The following SKP2 variants were observed in gnomAD, a reference collection of about 807,000 sequenced individuals.
SKP2 encodes the protein S-phase kinase associated protein 2.
In SKP2, 16 loss-of-function variants were observed where a neutral mutation model predicts 51.8. That is an observed-to-expected ratio of 0.31 (90% CI 0.21 to 0.47). SKP2 has a LOEUF of 0.47. Among genes scored for constraint, SKP2 ranks in the 20% least tolerant of loss-of-function variants. The pLI is 1.00. For synonymous variants in SKP2, 176 were observed against 198.6 expected, an observed-to-expected ratio of 0.89 and a Z score of 0.96; for missense variants, 377 against 505.3, an observed-to-expected ratio of 0.75 and a Z score of 2.43.
chr5:36,168,714 T>A (rs1217944137), intron 5 of SKP2, among the ~76,000 whole-genome samples: 1 of 152,236 alleles, frequency 6.6e-6, no homozygotes. Flanking sequence ...AGAAAATGAA[T>A]GCTCTAAAAC....
downstream of SKP2, among the ~76,000 whole-genome samples, chr5:36,185,557 G>A (rs1304614733): frequency 1.3e-5 from 2 of 152,126 alleles, no homozygotes; most frequent in Admixed American, 6.6e-5. Context: ...AAGATCAGAT[G>A]GTTGTACATG....
chr5:36,182,010 G>A lies in SKP2; in HGVS notation c.1254G>A (p.Leu418=), dbSNP rs1254202855. ...GGGGCATCAAATGCCGACTGACACT[G>A]CAAAAGCCCAGTTGTCTATGAAGTA... ...EIWGIKCRLT[L]QKPSCL is the part of the protein sequence containing the mutation. The change falls in exon 10 of 10, where the codon CTG becomes CTA. Residue 418 remains leucine, a synonymous_variant. Coordinates refer to ENST00000274255, the MANE Select transcript of SKP2 (RefSeq NM_005983.4). 1 of 1,614,124 alleles carries A rather than the reference G, an allele frequency of 6.2e-7. No individual in the cohort carries two copies. The highest frequency in any genetic ancestry group is 1.1e-5 in the South Asian group (1 of 91,066).
intron 2 of SKP2, among the ~76,000 whole-genome samples, chr5:36,161,809 C>G (rs1313944519): frequency 2.0e-5 from 3 of 152,158 alleles, no homozygotes; most frequent in African/African-American, 7.2e-5. Context: ...TAAAGACTGG[C>G]ACCTTTAAAT....
chr5:36,180,075 TC>T, intron 9 of SKP2: 1 of 404,332 alleles, frequency 2.5e-6, no homozygotes, highest in Non-Finnish European at 4.9e-6. Flanking sequence ...CAAATCTCTT[TC>T]CCAATGCTGT....
intron 2 of SKP2, among the ~76,000 whole-genome samples, chr5:36,153,483 G>A (rs929191966): frequency 1.3e-5 from 2 of 152,048 alleles, no homozygotes; most frequent in African/African-American, 4.8e-5. Context: ...CTAAGTGGGG[G>A]AGACATCTCC....
chr5:36,153,807 C>T (rs1744847218), intron 2 of SKP2, among the ~76,000 whole-genome samples: 1 of 152,166 alleles, frequency 6.6e-6, no homozygotes, highest in Non-Finnish European at 1.5e-5. Flanking sequence ...AATAGCTCCC[C>T]ATCCCCTAGT....
chr5:36,172,464 A>G (rs1745505895), intron 7 of SKP2, among the ~76,000 whole-genome samples: 1 of 152,164 alleles, frequency 6.6e-6, no homozygotes, highest in South Asian at 2.1e-4. Flanking sequence ...AAGATAAGTG[A>G]TTACAAATGG....
chr5:36,184,091 A>G lies in SKP2; in HGVS notation c.*2060A>G. 1.3e-6 allele frequency: 1 copy of G among 775,152 alleles called. No individual in the cohort carries two copies. The highest frequency in any genetic ancestry group is 2.0e-6 in the Non-Finnish European group (1 of 488,714). 48.0% of individuals were successfully genotyped at this position (775,152 alleles called of 1,614,324 possible). ...CTCTTTTTTTAAGTGCTGTGGTTAA[A>G]ATTTGAAAGCATTTAGTGTGGTATG... On this transcript the variant is annotated 3_prime_UTR_variant, in exon 10 of 10. Coordinates refer to ENST00000274255, the MANE Select transcript of SKP2 (RefSeq NM_005983.4).
At chr5:36,160,885 C>T (rs155544) in intron 2 of SKP2, among the ~76,000 whole-genome samples, 5,274 of 152,256 alleles carry the variant, frequency 0.035, 188 homozygotes, top group African/African-American at 0.082. Context: ...GGGTGATCTG[C>T]CTTCAGCTTT....
At position 36,174,103 on chromosome 5, in the gene SKP2, C is replaced by A. The variant is rs532223642; in HGVS notation, c.901+2370C>A. 2.0e-5 allele frequency among the ~76,000 whole-genome samples: 3 copies of A among 152,292 alleles called. No homozygotes were observed. In the South Asian group the frequency reaches 6.2e-4, roughly 32 times the overall value. ...GCTGTTAATACTGTTCCTTCCCCCA[C>A]TACCCCCATCACTACCTTTCCATGG... On this transcript the variant is annotated intron_variant, in intron 7 of 9. Transcript: ENST00000274255.
At chr5:36,188,619 C>A (rs1268017084), downstream of SKP2, among the ~76,000 whole-genome samples, 2 of 152,172 alleles carry the variant, frequency 1.3e-5, no homozygotes, top group African/African-American at 2.4e-5. Flanking sequence ...TGATGGGCTT[C>A]CCTTTATGGG....
At position 36,168,456 on chromosome 5, in the gene SKP2, C is replaced by G. The variant is rs149814379; in HGVS notation, c.671+9C>G. Reference sequence around the variant, plus strand: ...TCGGATCCCATTGTCAAGTGAGTGGCAGGCAGAGTGTCACAAAGGCAGTTG... The same window carrying G: ...TCGGATCCCATTGTCAAGTGAGTGGGAGGCAGAGTGTCACAAAGGCAGTTG... On this transcript the variant is annotated intron_variant, in intron 5 of 9. Coordinates refer to ENST00000274255, the MANE Select transcript of SKP2 (RefSeq NM_005983.4). 11 of 1,613,888 alleles carry G rather than the reference C, an allele frequency of 6.8e-6. No individual in the cohort carries two copies. The East Asian group carries it at 2.5e-4, about 36-fold the overall frequency.
chr5:36,152,496 A>G (rs755563020), intron 1 of SKP2, among the ~76,000 whole-genome samples: 1 of 152,144 alleles, frequency 6.6e-6, no homozygotes, highest in African/African-American at 2.4e-5. Context: ...GTTTTCAATC[A>G]GTGTATGATT....
intron 7 of SKP2, among the ~76,000 whole-genome samples, chr5:36,173,456 C>G (rs989530785): frequency 6.6e-6 from 1 of 152,204 alleles, no homozygotes; most frequent in African/African-American, 2.4e-5. Context: ...CTTGGTTCTT[C>G]TCTGTCTGCA....
chr5:36,191,884 C>A (rs1358956963), intron 6 of SKP2, among the ~76,000 whole-genome samples: 3 of 130,076 alleles, frequency 2.3e-5, no homozygotes, highest in African/African-American at 9.9e-5. Flanking sequence ...CAAGTCAAAG[C>A]CCTAAAAGCC....
intron 2 of SKP2, among the ~76,000 whole-genome samples, chr5:36,162,579 T>G (rs1745156807): frequency 6.6e-6 from 1 of 152,232 alleles, no homozygotes; most frequent in South Asian, 2.1e-4. Flanking sequence ...CCCACGAAGG[T>G]AGTGTTTTGG....
At position 36,168,327 on chromosome 5, in the gene SKP2, A is replaced by G. The variant is rs1223969007; in HGVS notation, c.551A>G (p.Gln184Arg). ...TCCGTGTTTAGCCCTTTTCGTGTAC[A>G]GCACATGGACCTATCGAACTCAGTT... is the stretch of plus-strand genomic sequence containing the variant. ...LAEHFSPFRVQHMDLSNSVIE... is the reference protein window; with the variant it reads ...LAEHFSPFRVRHMDLSNSVIE... Residue 184 changes from glutamine (Q) to arginine (R), a missense_variant, in exon 5 of 10, where the codon CAG (glutamine) becomes CGG (arginine). By Grantham distance (43) the Gln-to-Arg change is conservative (BLOSUM62 1). Transcript: ENST00000274255. 6.2e-7 allele frequency: 1 copy of G among 1,613,246 alleles called. No individual in the cohort carries two copies.
At chr5:36,166,725 CT>C (rs3086385) in intron 4 of SKP2, 63 bp downstream of exon 4, 41,997 of 888,344 alleles carry the variant, frequency 0.047, 293 homozygotes, top group African/African-American at 0.14. Flanking sequence ...CAGATCAAAG[CT>C]TTTTTTTTTT....
chr5:36,193,041 C>T (rs1177762094), intron 7 of SKP2: 1 of 152,128 alleles, frequency 6.6e-6, no homozygotes, highest in Non-Finnish European at 1.5e-5. Flanking sequence ...AAATGGAGCA[C>T]AATAAGTATT....
Sources: allele counts gnomAD v4.1 joint callset (sites outside exome capture counted in the v4.1 genomes callset), GRCh38; gene constraint gnomAD v4.1.1; transcripts MANE v1.5; gene names NCBI Gene and HGNC (gene_info 2026-07-23, HGNC 2026-07-21).